Variants in HDAC7 observed in about 807,000 individuals in gnomAD.
HDAC7 encodes the protein histone deacetylase 7A.
A neutral mutation model predicts 115.5 loss-of-function variants in HDAC7; 26 were observed. That is an observed-to-expected ratio of 0.23 (90% CI 0.16 to 0.31). The LOEUF (loss-of-function observed/expected upper bound fraction) is 0.31, where lower values mean the gene tolerates loss of function less well. Among genes scored for constraint, HDAC7 ranks in the 10% least tolerant of loss-of-function variants. The pLI, the probability that HDAC7 is intolerant of heterozygous loss-of-function variation, is 1.00. For synonymous variants in HDAC7, 564 were observed against 550.9 expected (o/e 1.02, Z -0.33); for missense variants, 1,068 against 1,329.0 (o/e 0.80, Z 3.05).
chr12:47,814,946 T>A (rs117903908), intron 1 of HDAC7, among the ~76,000 whole-genome samples: 1 of 152,262 alleles, frequency 6.6e-6, no homozygotes, highest in African/African-American at 2.4e-5. Flanking sequence ...TAGTCACACA[T>A]ACTCATTCCT....
intron 1 of HDAC7, among the ~76,000 whole-genome samples, chr12:47,815,048 A>T (rs1238859688): frequency 6.6e-6 from 1 of 152,252 alleles, no homozygotes; most frequent in East Asian, 1.9e-4. Context: ...GCATATCTGT[A>T]CCCAGTGCCT....
Position 47,795,842 on chromosome 12 carries a change from C to G in HDAC7, c.906+64G>C. ...CAATGAAGATGATGGGGTGAGGCAGCAAGAAAAGGGAGTGAAAGAAGCTGG... is the reference window on the plus strand; with the variant it reads ...CAATGAAGATGATGGGGTGAGGCAGGAAGAAAAGGGAGTGAAAGAAGCTGG... On this transcript the variant is annotated intron_variant, in intron 9 of 25. Transcript: ENST00000080059. The surrounding 1 kb of genome is among the most constrained non-coding windows in gnomAD (Gnocchi z 4.3). 1 of 1,507,922 alleles carries G rather than the reference C, an allele frequency of 6.6e-7. No individual in the cohort carries two copies. 93.4% of individuals were successfully genotyped at this position (1,507,922 alleles called of 1,614,324 possible). A position where few individuals can be genotyped will look rare whatever the true frequency, so the allele number is the denominator to read the frequency against.
In HDAC7 at chr12:47,793,289, C is replaced by T. The variant is rs1943623938; in HGVS notation, c.1678+80G>A. 2 of 1,114,822 alleles carry T rather than the reference C, an allele frequency of 1.8e-6. No individual in the cohort carries two copies. The highest frequency in any genetic ancestry group is 2.5e-6 in the Non-Finnish European group (2 of 799,940). 69.1% of individuals were successfully genotyped at this position (1,114,822 alleles called of 1,614,324 possible). A position where few individuals can be genotyped will look rare whatever the true frequency, so the allele number is the denominator to read the frequency against. On this transcript the variant is annotated intron_variant, in intron 13 of 25. Transcript: ENST00000080059. The surrounding 1 kb of genome is among the most constrained non-coding windows in gnomAD (Gnocchi z 4.5). ...AGCACTCTGTGGCCTCTAAAAATGT[C>T]CCAAGTGACACCAAGACACCCACAT...
intron 1 of HDAC7, among the ~76,000 whole-genome samples, chr12:47,814,614 TCTG>T (rs1944800131): frequency 2.0e-5 from 3 of 152,224 alleles, no homozygotes; most frequent in Admixed American, 2.0e-4. Context: ...AGCTCCCCCT[TCTG>T]CTCTCCCCTC....
chr12:47,787,610 G>A (rs1472444895), intron 21 of HDAC7, 102 bp downstream of exon 21: 4 of 731,378 alleles, frequency 5.5e-6, no homozygotes, highest in Non-Finnish European at 9.1e-6. Context: ...AGGAACTGGT[G>A]GGGACAGGCT....
At chr12:47,786,738 G>A (rs776118649) in intron 21 of HDAC7, 35 bp from the exon 22 acceptor site, 1 of 1,557,948 alleles carries the variant, frequency 6.4e-7, no homozygotes. Context: ...TCATCGTACT[G>A]TGCAGGGTTG....
At chr12:47,816,993 T>C (rs1944868638) in intron 1 of HDAC7, among the ~76,000 whole-genome samples, 1 of 152,196 alleles carries the variant, frequency 6.6e-6, no homozygotes, top group Non-Finnish European at 1.5e-5. Flanking sequence ...GGTGGCTAGA[T>C]CTGGGGACTC....
Position 47,797,547 on chromosome 12 carries a change from C to T in HDAC7, c.462-48G>A, listed in dbSNP as rs764414497. 13 of 1,417,330 alleles carry T rather than the reference C, an allele frequency of 9.2e-6. No homozygotes were observed. The highest frequency in any genetic ancestry group is 7.5e-5 in the South Asian group (6 of 79,736). 87.8% of individuals were successfully genotyped at this position (1,417,330 alleles called of 1,614,324 possible). A position where few individuals can be genotyped will look rare whatever the true frequency, so the allele number is the denominator to read the frequency against. ...GCTTCAGAGGTGTGGGGACACTGCA[C>T]GGGCACTGCCCTGAGCACGGGCCCT... On this transcript the variant is annotated intron_variant, in intron 5 of 25. Coordinates refer to ENST00000080059, the MANE Select transcript of HDAC7 (RefSeq NM_015401.5). This position sits in a 1 kb window ranked among gnomAD's most constrained non-coding sequence, Gnocchi z 5.5.
intron 1 of HDAC7, among the ~76,000 whole-genome samples, chr12:47,816,493 C>A (rs866801040): frequency 6.6e-6 from 1 of 152,090 alleles, no homozygotes; most frequent in Non-Finnish European, 1.5e-5. Context: ...ACAAATTGCC[C>A]GGAACCACCA....
chr12:47,790,987 C>A, intron 16 of HDAC7: 1 of 557,936 alleles, frequency 1.8e-6, no homozygotes, highest in South Asian at 2.1e-5. Context: ...CCAGCCTTGG[C>A]CCTGCTCCTG....
At chr12:47,821,218 G>T (rs1373546404), upstream of HDAC7, among the ~76,000 whole-genome samples, 1 of 152,208 alleles carries the variant, frequency 6.6e-6, no homozygotes, top group Admixed American at 6.5e-5. Flanking sequence ...GGAAGCAAGA[G>T]CCCACAGTGG....
rs1307211264 is a variant in HDAC7, at chr12:47,793,503, C to A, written c.1544G>T (p.Gly515Val). 1.3e-6 allele frequency: 2 copies of A among 1,549,280 alleles called. No homozygotes were observed. The highest frequency in any genetic ancestry group is 2.0e-5 in the Admixed American group (1 of 51,010). Residue 515 changes from glycine (G) to valine (V), a missense_variant, in exon 13 of 26, where the codon GGT (glycine) becomes GTT (valine). By Grantham distance (109) the Gly-to-Val change is moderately radical (BLOSUM62 -3). Transcript: ENST00000080059. The surrounding 1 kb of genome is among the most constrained non-coding windows in gnomAD (Gnocchi z 4.5). ...GDTVLLPLAQ[G>V]GHRPLSRAQS... ...AGCCCGGGACAGAGGCCGGTGCCCA[C>A]CCTGGGCCAGAGGAAGCAGCACAGT...
chr12:47,810,777 G>A (rs906190964), intron 1 of HDAC7, among the ~76,000 whole-genome samples: 9 of 151,144 alleles, frequency 6.0e-5, no homozygotes, highest in Non-Finnish European at 1.2e-4. Flanking sequence ...GTGGGTACTC[G>A]GGGGTAAATT....
At chr12:47,792,740 G>C in intron 13 of HDAC7, 1 of 449,158 alleles carries the variant, frequency 2.2e-6, no homozygotes, top group Non-Finnish European at 4.5e-6. Context: ...TAATCTAAAT[G>C]TCTAACTGAT....
At chr12:47,818,668 C>T (rs1015257407) in intron 1 of HDAC7, among the ~76,000 whole-genome samples, 1 of 152,222 alleles carries the variant, frequency 6.6e-6, no homozygotes, top group African/African-American at 2.4e-5. Context: ...CGCTGAGGGC[C>T]GATGCCCCAT....
rs1038705527 is a variant in HDAC7 at position 47,783,630 on chromosome 12, C to T, written c.*211G>A. ...GCCCTGTGGGGGTCGCCGCCCAGCCCGTCTCCTCTCAGGGTCCTCTCCAGT... is the reference window on the plus strand; with the variant it reads ...GCCCTGTGGGGGTCGCCGCCCAGCCTGTCTCCTCTCAGGGTCCTCTCCAGT... On this transcript the variant is annotated 3_prime_UTR_variant, in exon 26 of 26. Transcript: ENST00000080059. The T allele has an allele frequency of 3.5e-5, 21 of 603,180 alleles. No individual in the cohort carries two copies. The highest frequency in any genetic ancestry group is 5.1e-5 in the Non-Finnish European group (17 of 335,918). The allele number at this position is 603,180 out of a possible 1,614,324, so 37.4% of individuals were successfully genotyped here.
At chr12:47,796,852 G>A (rs1943877746) in intron 7 of HDAC7, among the ~76,000 whole-genome samples, 165 bp downstream of exon 7, 1 of 152,212 alleles carries the variant, frequency 6.6e-6, no homozygotes, top group South Asian at 2.1e-4. Flanking sequence ...CAGGGACTGG[G>A]TTTCAGCCCC....
intron 16 of HDAC7, chr12:47,790,839 C>T (rs147510251): frequency 1.8e-4 from 45 of 249,616 alleles, no homozygotes; most frequent in African/African-American, 8.1e-4. Flanking sequence ...GGAAGCACCA[C>T]CGTGATGTCA....
rs919228015 is a variant in HDAC7 at position 47,793,530 on chromosome 12, T to A, written c.1517A>T (p.Asp506Val). 2 of 1,547,820 alleles carry A rather than the reference T, an allele frequency of 1.3e-6. No individual in the cohort carries two copies. The highest frequency in any genetic ancestry group is 1.7e-6 in the Non-Finnish European group (2 of 1,146,702). The change falls in exon 13 of 26, where the codon GAC (aspartate) becomes GTC (valine). Residue 506 changes from aspartate to valine, a missense_variant. Asp to Val is a radical substitution (Grantham distance 152, BLOSUM62 -3). Coordinates refer to ENST00000080059, the MANE Select transcript of HDAC7 (RefSeq NM_015401.5). The surrounding 1 kb of genome is among the most constrained non-coding windows in gnomAD (Gnocchi z 4.5). ...CTGGGCCAGAGGAAGCAGCACAGTG[T>A]CCCCGGTGCTGCCCCGGGGGAGCCG... is the stretch of plus-strand genomic sequence containing the variant. Reference protein sequence around the residue: ...AGRLPRGSTGDTVLLPLAQGG... With the variant: ...AGRLPRGSTGVTVLLPLAQGG...
Sources: allele counts gnomAD v4.1 joint callset (sites outside exome capture counted in the v4.1 genomes callset), GRCh38; gene constraint gnomAD v4.1.1; non-coding constraint Gnocchi (gnomAD v3.1); transcripts MANE v1.5; gene names NCBI Gene and HGNC (gene_info 2026-07-23, HGNC 2026-07-21).